The following NCR1 variants were observed in gnomAD, a reference collection of about 807,000 sequenced individuals.
The protein encoded by NCR1 is natural cytotoxicity triggering receptor 1.
In NCR1, 30 loss-of-function variants were observed where a neutral mutation model predicts 32.5. That is an observed-to-expected ratio of 0.92 (90% CI 0.69 to 1.25). The LOEUF is 1.25. Among genes scored for constraint, NCR1 ranks in the 50% most tolerant of loss-of-function variants. NCR1 has a pLI of 0.00. For synonymous variants in NCR1, 169 were observed against 143.4 expected (o/e 1.18, Z -1.28); for missense variants, 369 against 380.7 (o/e 0.97, Z 0.26).
chr19:54,901,360 CAAAAAAA>C (rs80189325), upstream of NCR1, among the ~76,000 whole-genome samples: 41,879 of 91,234 alleles, frequency 0.46, 6,878 homozygotes, highest in Admixed American at 0.51. Flanking sequence ...GAGTCCATCT[CAAAAAAA>C]AAAAAAAAAA....
At chr19:54,902,089 G>A (rs920450329), upstream of NCR1, among the ~76,000 whole-genome samples, 1 of 152,228 alleles carries the variant, frequency 6.6e-6, no homozygotes, top group African/African-American at 2.4e-5. Flanking sequence ...TCAGACAATA[G>A]TGTCATATCA....
chr19:54,906,918 G>A, intron 3 of NCR1, 111 bp downstream of exon 3: 1 of 1,304,424 alleles, frequency 7.7e-7, no homozygotes, highest in Non-Finnish European at 1.1e-6. Context: ...TCGGTAGGAG[G>A]CTGGAAGGAG....
rs753750280 is a variant in NCR1 at position 54,912,741 on chromosome 19, C to A, written c.785C>A (p.Ala262Asp). ...TAQNLLRMGL[A>D]FLVLVALVWF... ...CAGAATCTCCTTCGGATGGGCCTGG[C>A]CTTTCTAGTCCTGGTGGCTCTAGTG... The change falls in exon 7 of 7, where the codon GCC becomes GAC. Residue 262 changes from alanine (A) to aspartate (D), a missense_variant. By Grantham distance (126) the Ala-to-Asp change is moderately radical. Coordinates refer to ENST00000291890, the MANE Select transcript of NCR1 (RefSeq NM_004829.7). The A allele has an allele frequency of 6.2e-7, 1 of 1,613,838 alleles. No homozygotes were observed. Among genetic ancestry groups the A allele is most frequent in the African/African-American group, 1.3e-5 (1 of 74,862 alleles).
rs373970472 is a variant in NCR1 at position 54,912,862 on chromosome 19, G to C, written c.906G>C (p.Gln302His). ...AAGGCAGGAGAAGGCTGAACACACA[G>C]ACTCTTTGAAGAATGACCATGAGAC... ...TWEGRRRLNT[Q>H]TL is the part of the protein sequence containing the mutation. Residue 302 changes from glutamine (Q) to histidine (H), a missense_variant, in exon 7 of 7, where the codon CAG becomes CAC. Gln to His is a conservative substitution (Grantham distance 24). Coordinates refer to ENST00000291890, the MANE Select transcript of NCR1 (RefSeq NM_004829.7). 1 of 1,613,340 alleles carries C rather than the reference G, an allele frequency of 6.2e-7. No homozygotes were observed. The highest frequency in any genetic ancestry group is 8.5e-7 in the Non-Finnish European group (1 of 1,179,884).
chr19:54,913,806 G>A (rs1384525735), downstream of NCR1, among the ~76,000 whole-genome samples: 1 of 151,656 alleles, frequency 6.6e-6, no homozygotes, highest in East Asian at 1.9e-4. Context: ...GGTGGCTCAT[G>A]CCTGTAATCC....
intron 5 of NCR1, 124 bp downstream of exon 5, chr19:54,910,189 C>A: frequency 2.1e-6 from 2 of 932,698 alleles, no homozygotes; most frequent in South Asian, 1.4e-5. Context: ...GTAATCCCAG[C>A]ACTTTGGGAG....
At chr19:54,922,048 C>A in the NCR1 span, among the ~76,000 whole-genome samples, 10 of 152,016 alleles carry the variant, frequency 6.6e-5, no homozygotes, top group Non-Finnish European at 1.3e-4. Context: ...AGGCATACAC[C>A]ACCCCACCCG....
chr19:54,920,489 G>A (rs188586866), downstream of NCR1, among the ~76,000 whole-genome samples: 208 of 152,216 alleles, frequency 1.4e-3, 4 homozygotes, highest in South Asian at 0.041. Flanking sequence ...GGCTGGTCAG[G>A]CGCCGTAATC....
intron 4 of NCR1, 32 bp from the exon 5 acceptor site, chr19:54,909,986 C>A: frequency 6.3e-7 from 1 of 1,591,630 alleles, no homozygotes; most frequent in Admixed American, 1.7e-5. Context: ...AACCAAAAAC[C>A]CTTACTTTTT....
At chr19:54,922,561 T>C in the NCR1 span, among the ~76,000 whole-genome samples, 1 of 151,432 alleles carries the variant, frequency 6.6e-6, no homozygotes, top group Non-Finnish European at 1.5e-5. Context: ...GTAGATCACC[T>C]GAGGTCAGGA....
chr19:54,926,139 ATCT>A, the NCR1 span, among the ~76,000 whole-genome samples: 1 of 152,100 alleles, frequency 6.6e-6, no homozygotes, highest in East Asian at 1.9e-4. Context: ...CTGTAGGACG[ATCT>A]TCTGAAAAGC....
downstream of NCR1, among the ~76,000 whole-genome samples, chr19:54,920,176 T>C (rs1244552168): frequency 6.6e-6 from 1 of 152,204 alleles, no homozygotes; most frequent in East Asian, 1.9e-4. Context: ...CCACTCATTA[T>C]TCAATGGGCA....
rs2068008755 is a variant in NCR1 at position 54,912,197 on chromosome 19, A to G, written c.712A>G (p.Thr238Ala). ...ADTWGTYLLT[T>A]ETGLQKDHAL... ...CACTTGGGGCACCTACCTTTTAACC[A>G]CAGAGACGGGACTCCAGAAAGGTAA... is the stretch of plus-strand genomic sequence containing the variant. Residue 238 changes from threonine to alanine, a missense_variant, in exon 6 of 7, where the codon ACA becomes GCA. Coordinates refer to ENST00000291890, the MANE Select transcript of NCR1 (RefSeq NM_004829.7). 6.2e-7 allele frequency: 1 copy of G among 1,613,814 alleles called. No homozygotes were observed. Among genetic ancestry groups the G allele is most frequent in the African/African-American group, 1.3e-5 (1 of 74,876 alleles).
At chr19:54,936,244 G>A in the NCR1 span, 527 of 1,609,890 alleles carry the variant, frequency 3.3e-4, no homozygotes, top group Non-Finnish European at 3.9e-4. Context: ...GGGGAGAGCC[G>A]TGACCGTGAG....
upstream of NCR1, among the ~76,000 whole-genome samples, chr19:54,903,566 A>G (rs1212727842): frequency 5.6e-5 from 8 of 142,856 alleles, 2 homozygotes; most frequent in African/African-American, 7.7e-5. Flanking sequence ...ATATACATAT[A>G]TGTGTATATA....
chr19:54,907,981 CT>C (rs888032756), intron 3 of NCR1, among the ~76,000 whole-genome samples: 48 of 146,184 alleles, frequency 3.3e-4, no homozygotes, highest in Non-Finnish European at 4.7e-4. Flanking sequence ...CTCATTTATT[CT>C]TTTTTTTTTA....
chr19:54,906,568 T>A lies in NCR1; in HGVS notation c.116T>A (p.Val39Asp). Residue 39 changes from valine to aspartate, a missense_variant, in exon 3 of 7, where the codon GTT becomes GAT. By Grantham distance (152) the Val-to-Asp change is radical. Coordinates refer to ENST00000291890, the MANE Select transcript of NCR1 (RefSeq NM_004829.7). ...ATCTGGGCCGAGCCCCATTTCATGG[T>A]TCCAAAGGAAAAGCAAGTGACCATC... ...PFIWAEPHFM[V>D]PKEKQVTICC... 1 of 1,613,020 alleles carries A rather than the reference T, an allele frequency of 6.2e-7. No homozygotes were observed. The highest frequency in any genetic ancestry group is 8.5e-7 in the Non-Finnish European group (1 of 1,180,022).
the NCR1 span, among the ~76,000 whole-genome samples, chr19:54,927,296 G>A: frequency 2.0e-5 from 3 of 149,768 alleles, no homozygotes; most frequent in African/African-American, 2.5e-5. Context: ...TGGGAGAATC[G>A]CTTGAACCCA....
chr19:54,898,205 C>T, the NCR1 span, among the ~76,000 whole-genome samples: 2 of 152,170 alleles, frequency 1.3e-5, no homozygotes, highest in African/African-American at 4.8e-5. Flanking sequence ...GGCCAGAGTT[C>T]TAGCTGCTCT....
Sources: gnomAD v4.1 joint callset for allele counts (sites outside exome capture counted in the v4.1 genomes callset) on GRCh38, gnomAD v4.1.1 for gene constraint, MANE v1.5 for transcripts, NCBI Gene and HGNC (gene_info 2026-07-23, HGNC 2026-07-21) for gene names.